GALNT6: variants seen among roughly 807,000 people sequenced by gnomAD.
The protein encoded by GALNT6 is polypeptide N-acetylgalactosaminyltransferase 6, also known as GalNAc transferase 6.
In GALNT6, 51 loss-of-function variants were observed where a neutral mutation model predicts 65.9. The observed-to-expected ratio is 0.77, with a 90% confidence interval of 0.62 to 0.98. GALNT6 has a LOEUF of 0.98. GALNT6 is among the 50% of genes least tolerant of loss of function. The pLI is 0.00. For synonymous variants in GALNT6, 323 were observed against 315.1 expected, an observed-to-expected ratio of 1.02 and a Z score of -0.26; for missense variants, 708 against 803.3, an observed-to-expected ratio of 0.88 and a Z score of 1.43.
At chr12:51,362,444 T>C (rs1020458218) in intron 6 of GALNT6, among the ~76,000 whole-genome samples, 18 of 152,036 alleles carry the variant, frequency 1.2e-4, no homozygotes, top group African/African-American at 3.4e-4. Context: ...GTGGGGGCGC[T>C]ACATGAAGAG....
chr12:51,370,351 C>G (rs1388296523), intron 4 of GALNT6, among the ~76,000 whole-genome samples: 1 of 152,028 alleles, frequency 6.6e-6, no homozygotes, highest in Non-Finnish European at 1.5e-5. Context: ...TCGAGACCAG[C>G]CTGACCAACA....
chr12:51,390,599 T>C (rs1948039434), intron 2 of GALNT6, among the ~76,000 whole-genome samples: 1 of 152,254 alleles, frequency 6.6e-6, no homozygotes, highest in African/African-American at 2.4e-5. Context: ...GAATAGGGCC[T>C]GTGTGGTGCA....
At position 51,354,052 on chromosome 12, in the gene GALNT6, T is replaced by G. The variant is rs1289719497; in HGVS notation, c.*327A>C. On this transcript the variant is annotated 3_prime_UTR_variant, in exon 12 of 12. Transcript: ENST00000356317. The stretch of plus-strand genomic sequence containing the variant: ...TGCTAGGATTTCAGGCATGAGCCAC[T>G]GTGCCCAGCCTGAAGTACTTTTCTT... The G allele has an allele frequency of 4.5e-6, 1 of 221,228 alleles. No individual in the cohort carries two copies. The highest frequency in any genetic ancestry group is 2.3e-5 in the African/African-American group (1 of 43,036). 13.7% of individuals were successfully genotyped at this position (221,228 alleles called of 1,614,324 possible).
At chr12:51,375,916 A>G (rs546368347) in intron 4 of GALNT6, among the ~76,000 whole-genome samples, 2 of 151,984 alleles carry the variant, frequency 1.3e-5, no homozygotes, top group African/African-American at 4.8e-5. Flanking sequence ...GCAGAAAAGC[A>G]GTGGTGCCAT....
chr12:51,390,584 G>A (rs905560825), intron 2 of GALNT6, among the ~76,000 whole-genome samples: 7 of 152,224 alleles, frequency 4.6e-5, no homozygotes, highest in African/African-American at 1.7e-4. Context: ...TCTGTCTGGA[G>A]CGGAGAATAG....
At position 51,354,348 on chromosome 12, in the gene GALNT6, G is replaced by C. The variant is rs765447729; in HGVS notation, c.*31C>G. ...AGCAATCCTGTTTCCTGAGGAGCTT[G>C]TGGGGGCTCTCTCTGGGGATGATCT... On this transcript the variant is annotated 3_prime_UTR_variant, in exon 12 of 12. Coordinates refer to ENST00000356317, the MANE Select transcript of GALNT6 (RefSeq NM_007210.4). 1.1e-5 allele frequency: 13 copies of C among 1,191,930 alleles called. No individual in the cohort carries two copies. In the South Asian group the frequency reaches 1.9e-4, roughly 17 times the overall value. 73.8% of individuals were successfully genotyped at this position (1,191,930 alleles called of 1,614,324 possible).
intron 2 of GALNT6, among the ~76,000 whole-genome samples, chr12:51,384,805 A>C (rs1170443745): frequency 6.6e-6 from 1 of 151,894 alleles, no homozygotes; most frequent in Non-Finnish European, 1.5e-5. Flanking sequence ...GGATTGCTTG[A>C]GCCCAGGAGG....
intron 2 of GALNT6, 94 bp downstream of exon 2, chr12:51,390,756 C>T (rs1328583674): frequency 2.0e-5 from 3 of 152,336 alleles, no homozygotes; most frequent in Non-Finnish European, 4.4e-5. Flanking sequence ...GAGAGTGCTG[C>T]AATGGGTTGT....
intron 2 of GALNT6, among the ~76,000 whole-genome samples, chr12:51,380,086 T>C (rs1947613968): frequency 6.6e-6 from 1 of 152,174 alleles, no homozygotes; most frequent in African/African-American, 2.4e-5. Context: ...GATCCTAATA[T>C]GCATGGATCT....
rs370571156 is a variant in GALNT6 at position 51,377,951 on chromosome 12, C to T, written c.492-584G>A. Among the ~76,000 whole-genome samples, 14 of 152,350 alleles carry T rather than the reference C, an allele frequency of 9.2e-5. No individual in the cohort carries two copies. The East Asian group carries it at 1.3e-3, about 15-fold the overall frequency. ...CTTCCAACTTCATCCACTCCAGCTA[C>T]TCTGTGGCACTTGGCCATGCTGCTA... On this transcript the variant is annotated intron_variant, in intron 3 of 11. Coordinates refer to ENST00000356317, the MANE Select transcript of GALNT6 (RefSeq NM_007210.4).
chr12:51,370,847 C>A (rs908551644), intron 4 of GALNT6, among the ~76,000 whole-genome samples: 3 of 151,668 alleles, frequency 2.0e-5, no homozygotes, highest in African/African-American at 7.3e-5. Flanking sequence ...ATGGTGAGAC[C>A]CCATCTTATT....
intron 3 of GALNT6, 36 bp from the exon 4 acceptor site, chr12:51,377,403 T>C: frequency 6.3e-7 from 1 of 1,597,004 alleles, no homozygotes; most frequent in Non-Finnish European, 8.6e-7. Context: ...GTTCTCCTGG[T>C]CCCTGGGAGT....
At position 51,355,897 on chromosome 12, in the gene GALNT6, T is replaced by C; in HGVS notation, c.1664A>G (p.His555Arg). Residue 555 changes from histidine to arginine, a missense_variant, in exon 11 of 12, where the codon CAT (histidine) becomes CGT (arginine). Coordinates refer to ENST00000356317, the MANE Select transcript of GALNT6 (RefSeq NM_007210.4). ...RHNIAKQLCL[H>R]VSKGALGLGS... ...AAGGCCCAGAGCACCCTTGCTGACATGTAGACACAGCTGCTTTGCGATGTT... is the reference window on the plus strand; with the variant it reads ...AAGGCCCAGAGCACCCTTGCTGACACGTAGACACAGCTGCTTTGCGATGTT... 6.2e-7 allele frequency: 1 copy of C among 1,613,874 alleles called. No homozygotes were observed. Among genetic ancestry groups the C allele is most frequent in the Non-Finnish European group, 8.5e-7 (1 of 1,179,820 alleles).
chr12:51,371,968 T>G (rs1947307158), intron 4 of GALNT6, among the ~76,000 whole-genome samples: 2 of 152,000 alleles, frequency 1.3e-5, no homozygotes, highest in South Asian at 4.1e-4. Flanking sequence ...GATCTGAGGG[T>G]TTTTTCCTCC....
At position 51,370,551 on chromosome 12, in the gene GALNT6, G is replaced by A. The variant is rs1020734922; in HGVS notation, c.665-4972C>T. Reference sequence around the variant, plus strand: ...AAAAATAAAGTAAATTCTGACAAATGTTACAACATGGATGAATCTTGAAGG... The same window carrying A: ...AAAAATAAAGTAAATTCTGACAAATATTACAACATGGATGAATCTTGAAGG... On this transcript the variant is annotated intron_variant, in intron 4 of 11. Transcript: ENST00000356317. 3.9e-5 allele frequency among the ~76,000 whole-genome samples: 6 copies of A among 152,276 alleles called. No individual in the cohort carries two copies. The South Asian group carries it at 1.2e-3, about 32-fold the overall frequency.
chr12:51,362,230 C>G (rs913418964), intron 6 of GALNT6, among the ~76,000 whole-genome samples: 3 of 152,136 alleles, frequency 2.0e-5, no homozygotes, highest in Non-Finnish European at 2.9e-5. Flanking sequence ...TCTCCCAGAC[C>G]GAGAAGTCAC....
At chr12:51,389,148 T>C (rs1357957015) in intron 2 of GALNT6, among the ~76,000 whole-genome samples, 2 of 152,146 alleles carry the variant, frequency 1.3e-5, no homozygotes, top group Non-Finnish European at 2.9e-5. Context: ...GAATGAACAT[T>C]TGGGCTTTCC....
chr12:51,388,535 G>C (rs555943368), intron 2 of GALNT6, among the ~76,000 whole-genome samples: 1 of 152,114 alleles, frequency 6.6e-6, no homozygotes, highest in Non-Finnish European at 1.5e-5. Flanking sequence ...TTTCAAGAAG[G>C]CTTCCTAGAC....
chr12:51,379,361 A>G lies in GALNT6; in HGVS notation c.421T>C (p.Cys141Arg), dbSNP rs1319613079. ...QEKEEGYKKH[C>R]FNAFASDRIS... ...CGGTCGCTGGCAAAGGCATTGAAAC[A>G]GTGCTTCTTATAGCCTTCTTCCTTT... is the stretch of plus-strand genomic sequence containing the variant. Residue 141 changes from cysteine (C) to arginine (R), a missense_variant, in exon 3 of 12, where the codon TGT becomes CGT. Transcript: ENST00000356317. 1 of 1,558,244 alleles carries G rather than the reference A, an allele frequency of 6.4e-7. No individual in the cohort carries two copies. Among genetic ancestry groups the G allele is most frequent in the Non-Finnish European group, 8.6e-7 (1 of 1,156,492 alleles).
Sources: gnomAD v4.1 joint callset for allele counts (sites outside exome capture counted in the v4.1 genomes callset) on GRCh38, gnomAD v4.1.1 for gene constraint, MANE v1.5 for transcripts, NCBI Gene and HGNC (gene_info 2026-07-23, HGNC 2026-07-21) for gene names.